The following XKR3 variants were observed in gnomAD, a reference collection of about 807,000 sequenced individuals.
XKR3 encodes XK-related protein 3.
Under a neutral mutation model 40.3 loss-of-function variants are expected in XKR3, and 27 were observed. The ratio of observed to expected loss-of-function variants is 0.67; its 90% CI spans 0.49 to 0.92. The LOEUF (loss-of-function observed/expected upper bound fraction) is 0.92. Among genes scored for constraint, XKR3 ranks in the 40% least tolerant of loss-of-function variants. The pLI is 0.00. For synonymous variants in XKR3, 193 were observed against 195.4 expected (o/e 0.99, Z 0.10); for missense variants, 472 against 537.6 (o/e 0.88, Z 1.21).
intron 1 of XKR3, among the ~76,000 whole-genome samples, chr22:16,815,390 T>C (rs2060228895): frequency 6.6e-6 from 1 of 152,090 alleles, no homozygotes; most frequent in Non-Finnish European, 1.5e-5. Flanking sequence ...TCATGAAATA[T>C]ATTTGTCTGT....
chr22:16,784,573 T>C (rs2060082113), intron 3 of XKR3, among the ~76,000 whole-genome samples, 164 bp from the exon 4 acceptor site: 1 of 152,260 alleles, frequency 6.6e-6, no homozygotes, highest in South Asian at 2.1e-4. Flanking sequence ...TTTTCAGGGA[T>C]ACAGTAAGTA....
At chr22:16,789,779 C>T (rs1000468139) in intron 3 of XKR3, among the ~76,000 whole-genome samples, 18 of 152,266 alleles carry the variant, frequency 1.2e-4, no homozygotes, top group African/African-American at 4.3e-4. Context: ...CATCACAATG[C>T]TATAAACCAA....
intron 2 of XKR3, among the ~76,000 whole-genome samples, chr22:16,804,676 C>G (rs745352951): frequency 6.6e-6 from 1 of 152,178 alleles, no homozygotes; most frequent in Admixed American, 6.5e-5. Flanking sequence ...TTTCTATCAT[C>G]CCAGCTGTTT....
chr22:16,797,847 G>A (rs1485218997), intron 3 of XKR3, among the ~76,000 whole-genome samples: 1 of 148,428 alleles, frequency 6.7e-6, no homozygotes, highest in Non-Finnish European at 1.5e-5. Context: ...CTCAAAAGAA[G>A]ACATACAAGT....
intron 2 of XKR3, among the ~76,000 whole-genome samples, chr22:16,801,763 A>G (rs1423263333): frequency 6.6e-6 from 1 of 152,080 alleles, no homozygotes; most frequent in African/African-American, 2.4e-5. Flanking sequence ...AAACATTTCA[A>G]TGCAAAAAAA....
chr22:16,823,292 T>C (rs2060263689), intron 1 of XKR3, among the ~76,000 whole-genome samples: 1 of 152,176 alleles, frequency 6.6e-6, no homozygotes, highest in South Asian at 2.1e-4. Context: ...GAGAAAATAA[T>C]ACATCGGCAG....
intron 3 of XKR3, among the ~76,000 whole-genome samples, chr22:16,790,819 A>T (rs2060112678): frequency 1.3e-5 from 2 of 152,104 alleles, no homozygotes; most frequent in Admixed American, 1.3e-4. Flanking sequence ...CATGTAAATC[A>T]AAACCTGTAT....
rs1311215797 is a variant in XKR3 at position 16,783,959 on chromosome 22, T to C, written c.1040A>G (p.His347Arg). ...ATTTTCTAAAAACTGAAAGCTGTAG[T>C]GTAGGATTCTATGGCCCCACCTCTG... The part of the protein sequence containing the change: ...GRQRWGHRIL[H>R]YSFQFLENVI... The change falls in exon 4 of 4, where the codon CAC becomes CGC. Residue 347 changes from histidine (H) to arginine (R), a missense_variant. His to Arg is a conservative substitution (Grantham distance 29). Coordinates refer to ENST00000684488, the MANE Select transcript of XKR3 (RefSeq NM_001386955.1). 3 of 1,614,166 alleles carry C rather than the reference T, an allele frequency of 1.9e-6. No homozygotes were observed. The highest frequency in any genetic ancestry group is 2.5e-6 in the Non-Finnish European group (3 of 1,180,036).
At chr22:16,809,216 T>C (rs73159892) in intron 1 of XKR3, among the ~76,000 whole-genome samples, 30,989 of 152,182 alleles carry the variant, frequency 0.2, 3,727 homozygotes, top group Middle Eastern at 0.3. Context: ...TCTTTTGTTT[T>C]TCTGATCTAA....
intron 1 of XKR3, among the ~76,000 whole-genome samples, chr22:16,822,369 G>C (rs1601854268): frequency 1.4e-5 from 2 of 143,146 alleles, no homozygotes; most frequent in East Asian, 2.0e-4. Flanking sequence ...AACCAACAAA[G>C]GCCATAATAG....
At chr22:16,816,296 G>GT (rs942149598) in intron 1 of XKR3, among the ~76,000 whole-genome samples, 3 of 145,566 alleles carry the variant, frequency 2.1e-5, no homozygotes, top group African/African-American at 7.6e-5. Context: ...TTTTCTAATT[G>GT]TATTATTTTT....
intron 3 of XKR3, among the ~76,000 whole-genome samples, chr22:16,790,635 G>T (rs56232746): frequency 0.096 from 14,650 of 151,984 alleles, 990 homozygotes; most frequent in South Asian, 0.27. Context: ...GAAATAATTT[G>T]TACAACAAAC....
At chr22:16,809,223 C>G (rs1300359244) in intron 1 of XKR3, among the ~76,000 whole-genome samples, 1 of 152,096 alleles carries the variant, frequency 6.6e-6, no homozygotes, top group Non-Finnish European at 1.5e-5. Context: ...TTTTTCTGAT[C>G]TAAATCACAC....
intron 3 of XKR3, among the ~76,000 whole-genome samples, chr22:16,788,340 T>C (rs1483433242): frequency 6.6e-6 from 1 of 151,838 alleles, no homozygotes; most frequent in Non-Finnish European, 1.5e-5. Context: ...AAAAAGAAGA[T>C]ACGAAATACA....
At chr22:16,798,336 G>A (rs1482252542) in intron 3 of XKR3, among the ~76,000 whole-genome samples, 1 of 152,160 alleles carries the variant, frequency 6.6e-6, no homozygotes, top group African/African-American at 2.4e-5. Flanking sequence ...GGGTGAGGAT[G>A]CTTTTGAGAA....
chr22:16,791,797 G>C (rs1328076295), intron 3 of XKR3, among the ~76,000 whole-genome samples: 1 of 110,678 alleles, frequency 9.0e-6, no homozygotes, highest in South Asian at 3.2e-4. Flanking sequence ...GAGAGAGAGA[G>C]AGAGAGAGAG....
At chr22:16,807,641 G>A (rs1366154569) in intron 2 of XKR3, 98 bp downstream of exon 2, 20 of 1,125,162 alleles carry the variant, frequency 1.8e-5, no homozygotes, top group South Asian at 8.7e-5. Flanking sequence ...TTTCAATTCC[G>A]TAAACGATAA....
chr22:16,818,448 A>G (rs1450688846), intron 1 of XKR3, among the ~76,000 whole-genome samples: 1 of 152,114 alleles, frequency 6.6e-6, no homozygotes, highest in African/African-American at 2.4e-5. Flanking sequence ...CCAATTCTGA[A>G]TCTCCAATAG....
intron 3 of XKR3, among the ~76,000 whole-genome samples, chr22:16,791,760 GGAGAGAGGGA>G (rs2060117844): frequency 8.6e-6 from 1 of 115,634 alleles, no homozygotes. Context: ...GGAGAGAGAG[GGAGAGAGGGA>G]GAGAGAGGGA....
Sources: allele counts gnomAD v4.1 joint callset (sites outside exome capture counted in the v4.1 genomes callset), GRCh38; gene constraint gnomAD v4.1.1; transcripts MANE v1.5; gene names NCBI Gene and HGNC (gene_info 2026-07-23, HGNC 2026-07-21).